SH3RF3: variants seen among roughly 807,000 people sequenced by gnomAD.
The protein encoded by SH3RF3 is SH3 domain containing ring finger 3, also known as E3 ubiquitin-protein ligase SH3RF3.
SH3RF3 carries 29 observed loss-of-function variants against 66.3 expected under a neutral mutation model. The ratio of observed to expected loss-of-function variants is 0.44; its 90% CI spans 0.33 to 0.60. SH3RF3 has a LOEUF of 0.60. Among genes scored for constraint, SH3RF3 ranks in the 20% least tolerant of loss-of-function variants. SH3RF3 has a pLI of 0.04. For missense variants in SH3RF3, 1,194 were observed against 1,190.9 expected, an observed-to-expected ratio of 1.00 and a Z score of -0.04; for synonymous variants, 583 against 532.0, an observed-to-expected ratio of 1.10 and a Z score of -1.32.
intron 1 of SH3RF3, among the ~76,000 whole-genome samples, chr2:109,252,401 C>CTT (rs1680114454): frequency 6.6e-6 from 1 of 152,162 alleles, no homozygotes; most frequent in African/African-American, 2.4e-5. Context: ...TTAATGTTTA[C>CTT]TTCTGAAACT....
intron 1 of SH3RF3, among the ~76,000 whole-genome samples, chr2:109,174,128 C>T (rs1677864587): frequency 6.6e-6 from 1 of 152,240 alleles, no homozygotes. Context: ...AGGGCTGTGC[C>T]ATAGGGCAGA....
At chr2:109,498,930 G>A (rs933790189) in intron 9 of SH3RF3, among the ~76,000 whole-genome samples, 6 of 152,188 alleles carry the variant, frequency 3.9e-5, no homozygotes, top group African/African-American at 1.4e-4. Context: ...ACCTGGGGTC[G>A]CTAGGGCGCG....
chr2:109,494,105 A>T (rs1044610063), intron 9 of SH3RF3, among the ~76,000 whole-genome samples: 1 of 152,166 alleles, frequency 6.6e-6, no homozygotes, highest in Non-Finnish European at 1.5e-5. Context: ...CTCCCCTAGG[A>T]TCCTTCTTCC....
intron 8 of SH3RF3, among the ~76,000 whole-genome samples, chr2:109,463,242 G>A (rs1678252984): frequency 6.6e-6 from 1 of 152,242 alleles, no homozygotes; most frequent in African/African-American, 2.4e-5. Context: ...TTCTCTTCCA[G>A]GAATATAATG....
At chr2:109,393,944 C>T (rs534533698) in intron 3 of SH3RF3, among the ~76,000 whole-genome samples, 5 of 152,038 alleles carry the variant, frequency 3.3e-5, no homozygotes, top group East Asian at 3.9e-4. Context: ...TATACTCTGG[C>T]GCTGTCGTGG....
chr2:109,204,608 C>T (rs376048437), intron 1 of SH3RF3, among the ~76,000 whole-genome samples: 4 of 152,212 alleles, frequency 2.6e-5, no homozygotes, highest in African/African-American at 4.8e-5. Flanking sequence ...GTGCCGGCAG[C>T]GCCACCTACT....
At position 109,419,557 on chromosome 2, in the gene SH3RF3, G is replaced by T. The variant is rs1344928737; in HGVS notation, c.1318G>T (p.Gly440Ter). Residue 440 changes from glycine (G) to a stop codon, truncating the protein, a stop_gained, in exon 5 of 10, where the codon GGA becomes TGA. Coordinates refer to ENST00000309415, the MANE Select transcript of SH3RF3 (RefSeq NM_001099289.3). LOFTEE classifies it high-confidence loss of function. ...APTQDVSSSA[G>*]STPTAVPRAA... ...TTTCCAGGATGTCTCCTCCTCGGCGGGATCTACCCCCACGGCTGTCCCACG... is the reference window on the plus strand; with the variant it reads ...TTTCCAGGATGTCTCCTCCTCGGCGTGATCTACCCCCACGGCTGTCCCACG... The T allele has an allele frequency of 6.3e-7, 1 of 1,598,100 alleles. No homozygotes were observed. Among genetic ancestry groups the T allele is most frequent in the South Asian group, 1.1e-5 (1 of 87,912 alleles).
At chr2:109,281,761 G>T (rs1015219641) in intron 1 of SH3RF3, among the ~76,000 whole-genome samples, 1 of 152,166 alleles carries the variant, frequency 6.6e-6, no homozygotes, top group African/African-American at 2.4e-5. Flanking sequence ...CAGAGAGCAA[G>T]AGCAAGCCTG....
At chr2:109,426,323 A>G (rs915106002) in intron 5 of SH3RF3, among the ~76,000 whole-genome samples, 3 of 152,232 alleles carry the variant, frequency 2.0e-5, no homozygotes, top group Admixed American at 6.5e-5. Context: ...GCCATTATGA[A>G]CATTTGTGAT....
intron 8 of SH3RF3, among the ~76,000 whole-genome samples, chr2:109,467,477 A>C (rs72947137): frequency 0.04 from 6,152 of 152,288 alleles, 237 homozygotes; most frequent in African/African-American, 0.096. Flanking sequence ...TGGGGACTGG[A>C]AGAAGCCCTG....
chr2:109,365,679 C>G (rs951102490), intron 2 of SH3RF3, among the ~76,000 whole-genome samples: 4 of 152,128 alleles, frequency 2.6e-5, no homozygotes, highest in African/African-American at 9.7e-5. Context: ...AACTAAAAGC[C>G]ACAGACACTG....
intron 1 of SH3RF3, among the ~76,000 whole-genome samples, chr2:109,285,451 G>A (rs565525051): frequency 3.9e-5 from 6 of 152,364 alleles, no homozygotes; most frequent in Admixed American, 3.9e-4. Flanking sequence ...TGCCTGCTGT[G>A]CCGTGCGTTT....
intron 1 of SH3RF3, among the ~76,000 whole-genome samples, chr2:109,311,780 C>T (rs949562051): frequency 7.5e-6 from 1 of 132,860 alleles, no homozygotes; most frequent in Non-Finnish European, 1.5e-5. Context: ...CAAGTCATAT[C>T]AAGGCTACCC....
intron 1 of SH3RF3, among the ~76,000 whole-genome samples, chr2:109,319,082 T>A (rs1681956973): frequency 6.6e-6 from 1 of 152,162 alleles, no homozygotes; most frequent in African/African-American, 2.4e-5. Flanking sequence ...CAGCTCACTT[T>A]AGGGACAGCA....
At chr2:109,399,057 C>CT (rs1676234927) in intron 4 of SH3RF3, 114 bp downstream of exon 4, 1 of 1,220,526 alleles carries the variant, frequency 8.2e-7, no homozygotes, top group East Asian at 2.6e-5. Flanking sequence ...CCAGAACTGC[C>CT]TTTTGGGGTT....
chr2:109,139,767 A>G (rs948656647), intron 1 of SH3RF3, among the ~76,000 whole-genome samples: 16 of 152,350 alleles, frequency 1.1e-4, no homozygotes, highest in African/African-American at 3.6e-4. Flanking sequence ...TCAGCAGCCC[A>G]TTGAACAATG....
chr2:109,189,399 G>C (rs1360949423), intron 1 of SH3RF3, among the ~76,000 whole-genome samples: 1 of 149,470 alleles, frequency 6.7e-6, no homozygotes, highest in Non-Finnish European at 1.5e-5. Flanking sequence ...TTGAGACGGA[G>C]TCTCTGTCGC....
At chr2:109,421,462 G>A (rs1050899029) in intron 5 of SH3RF3, among the ~76,000 whole-genome samples, 19 of 152,230 alleles carry the variant, frequency 1.2e-4, no homozygotes, top group African/African-American at 3.6e-4. Context: ...GACCCAAAAC[G>A]TAACAGTTCC....
In SH3RF3 at chr2:109,487,016, G is replaced by A. The variant is rs546311502; in HGVS notation, c.2149-3589G>A. Among the ~76,000 whole-genome samples, 7 of 152,308 alleles carry A rather than the reference G, an allele frequency of 4.6e-5. No individual in the cohort carries two copies. The East Asian group carries it at 1.4e-3, about 29-fold the overall frequency. On this transcript the variant is annotated intron_variant, in intron 8 of 9. Transcript: ENST00000309415. ...AATGGAAAGTGATCCCCCCAACAGA[G>A]AGGAGTGCAGGCCACAGATGGAAAC...
Sources: allele counts gnomAD v4.1 joint callset (sites outside exome capture counted in the v4.1 genomes callset), GRCh38; gene constraint gnomAD v4.1.1; transcripts MANE v1.5; gene names NCBI Gene and HGNC (gene_info 2026-07-23, HGNC 2026-07-21).